NDRG4: variants seen among roughly 807,000 people sequenced by gnomAD.
The protein encoded by NDRG4 is protein NDRG4.
In NDRG4, 38 loss-of-function variants were observed where a neutral mutation model predicts 55.8. The ratio of observed to expected loss-of-function variants is 0.68; its 90% CI spans 0.53 to 0.89. The LOEUF is 0.89. Among genes scored for constraint, NDRG4 ranks in the 40% least tolerant of loss-of-function variants. The probability of loss-of-function intolerance (pLI) is 0.00; values close to 1 mark genes in which losing one functional copy is unlikely to be tolerated. For missense variants in NDRG4, 455 were observed against 468.6 expected (o/e 0.97, Z 0.27); for synonymous variants, 190 against 182.7 (o/e 1.04, Z -0.32).
intron 1 of NDRG4, chr16:58,465,381 C>T: frequency 8.4e-6 from 3 of 355,060 alleles, no homozygotes; most frequent in South Asian, 6.2e-5. Context: ...CGGTGGAATC[C>T]GAGTCGGGGG....
downstream of NDRG4, among the ~76,000 whole-genome samples, chr16:58,515,037 C>T (rs1169544944): frequency 6.6e-6 from 1 of 152,194 alleles, no homozygotes; most frequent in African/African-American, 2.4e-5. Context: ...TATTCTAGAT[C>T]CAGGAGCCCT....
chr16:58,505,753 G>C (rs2037881212), intron 5 of NDRG4, among the ~76,000 whole-genome samples: 1 of 95,698 alleles, frequency 1.0e-5, no homozygotes, highest in Non-Finnish European at 1.8e-5. Flanking sequence ...ATGGAGTCTT[G>C]CTCTGTCGTC....
chr16:58,473,080 G>A (rs971961637), intron 1 of NDRG4, among the ~76,000 whole-genome samples: 1 of 152,134 alleles, frequency 6.6e-6, no homozygotes, highest in Non-Finnish European at 1.5e-5. Flanking sequence ...AGGTTCTGAA[G>A]TACAAATTGT....
chr16:58,500,932 AG>A, intron 1 of NDRG4: 1 of 1,131,638 alleles, frequency 8.8e-7, no homozygotes. Flanking sequence ...CCTTTCAGGC[AG>A]GGGTCCCTGC....
At chr16:58,469,474 G>A (rs976114085) in intron 1 of NDRG4, among the ~76,000 whole-genome samples, 1 of 152,050 alleles carries the variant, frequency 6.6e-6, no homozygotes, top group Non-Finnish European at 1.5e-5. Context: ...AAATATGTGT[G>A]ATCTCTGACT....
chr16:58,464,968 C>T lies in NDRG4; in HGVS notation c.-24+1171C>T. On this transcript the variant is annotated intron_variant, in intron 1 of 15. Transcript: ENST00000258187. The surrounding 1 kb of genome is among the most constrained non-coding windows in gnomAD (Gnocchi z 4.8). Reference sequence around the variant, plus strand: ...GATTGGACCCTACTGACTGGGGACCCTCAGCCTTGGGGCTCCTCTGGAGAA... The same window carrying T: ...GATTGGACCCTACTGACTGGGGACCTTCAGCCTTGGGGCTCCTCTGGAGAA... 1 of 1,196,460 alleles carries T rather than the reference C, an allele frequency of 8.4e-7. No individual in the cohort carries two copies. Among genetic ancestry groups the T allele is most frequent in the Non-Finnish European group, 1.1e-6 (1 of 943,610 alleles). The allele number at this position is 1,196,460 out of a possible 1,614,324, so 74.1% of individuals were successfully genotyped here. A position where few individuals can be genotyped will look rare whatever the true frequency, so the allele number is the denominator to read the frequency against.
At chr16:58,509,431 A>G in intron 13 of NDRG4, 79 bp downstream of exon 13, 2 of 1,487,184 alleles carry the variant, frequency 1.3e-6, no homozygotes, top group Non-Finnish European at 1.8e-6. Flanking sequence ...TCCTGTTTGC[A>G]GGGCTGGCAC....
Position 58,464,954 on chromosome 16 carries a change from A to G in NDRG4, c.-24+1157A>G, listed in dbSNP as rs1448445154. On this transcript the variant is annotated intron_variant, in intron 1 of 15. Coordinates refer to the NDRG4 transcript ENST00000258187. The surrounding 1 kb of genome is among the most constrained non-coding windows in gnomAD (Gnocchi z 4.8). ...GAAGTGGGAAGCCAGATTGGACCCTACTGACTGGGGACCCTCAGCCTTGGG... is the reference window on the plus strand; with the variant it reads ...GAAGTGGGAAGCCAGATTGGACCCTGCTGACTGGGGACCCTCAGCCTTGGG... The G allele has an allele frequency of 1.0e-5, 12 of 1,190,028 alleles. No homozygotes were observed. The highest frequency in any genetic ancestry group is 1.2e-5 in the Non-Finnish European group (11 of 941,520). 73.7% of individuals were successfully genotyped at this position (1,190,028 alleles called of 1,614,324 possible).
rs531926041 is a variant in NDRG4 at position 58,509,502 on chromosome 16, G to A, written c.865+150G>A. Reference sequence around the variant, plus strand: ...AGGAGTTTTGTGTGACCTGGGCCCCGGATGCTGGGCCCCACAGATGCCACC... The same window carrying A: ...AGGAGTTTTGTGTGACCTGGGCCCCAGATGCTGGGCCCCACAGATGCCACC... On this transcript the variant is annotated intron_variant, in intron 13 of 14. Coordinates refer to ENST00000570248, the MANE Select transcript of NDRG4 (RefSeq NM_001242835.2). The A allele has an allele frequency of 4.8e-5, 37 of 775,002 alleles. No individual in the cohort carries two copies. The East Asian group carries it at 8.8e-4, about 18-fold the overall frequency. The allele number at this position is 775,002 out of a possible 1,614,324, so 48.0% of individuals were successfully genotyped here. A position where few individuals can be genotyped will look rare whatever the true frequency, so the allele number is the denominator to read the frequency against.
Position 58,464,589 on chromosome 16 carries a change from T to C in NDRG4, c.-24+792T>C, listed in dbSNP as rs561044652. On this transcript the variant is annotated intron_variant, in intron 1 of 15. Coordinates refer to the NDRG4 transcript ENST00000258187. The surrounding 1 kb of genome is among the most constrained non-coding windows in gnomAD (Gnocchi z 4.8). ...GGAAGGGGTGCGGACCCCAACTAAG[T>C]CCTAGTTTTGTGCTACCTGTTTGTG... The C allele has an allele frequency of 3.3e-4, 334 of 1,016,250 alleles. 1 individual carries two copies. In the African/African-American group the frequency reaches 5.3e-3, roughly 16 times the overall value. The allele number at this position is 1,016,250 out of a possible 1,614,324, so 63.0% of individuals were successfully genotyped here.
chr16:58,498,751 A>C (rs12918925), upstream of NDRG4, among the ~76,000 whole-genome samples: 107,381 of 151,994 alleles, frequency 0.71, 38,213 homozygotes, highest in East Asian at 0.81. Context: ...GAAATGGGGC[A>C]GTCTGTGTGC....
At chr16:58,498,754 CT>C (rs1332404736), upstream of NDRG4, among the ~76,000 whole-genome samples, 15 of 152,292 alleles carry the variant, frequency 9.8e-5, no homozygotes, top group African/African-American at 3.1e-4. Flanking sequence ...ATGGGGCAGT[CT>C]GTGTGCCTCT....
intron 1 of NDRG4, chr16:58,501,383 C>T (rs1276284385): frequency 1.4e-5 from 4 of 285,666 alleles, no homozygotes; most frequent in South Asian, 1.6e-4. Context: ...CGAGAGGAGC[C>T]GCCACAGCCC....
upstream of NDRG4, chr16:58,499,757 G>A (rs2036833215): frequency 4.2e-6 from 1 of 238,326 alleles, no homozygotes; most frequent in Middle Eastern, 1.6e-3. Flanking sequence ...CATGCACCCT[G>A]CCCTGCCCCG....
In NDRG4 at chr16:58,511,535, G is replaced by A. The variant is rs758575730; in HGVS notation, c.1018G>A (p.Gly340Arg). The A allele has an allele frequency of 1.2e-6, 2 of 1,613,056 alleles. No homozygotes were observed. The highest frequency in any genetic ancestry group is 1.7e-6 in the Non-Finnish European group (2 of 1,179,964). The change falls in exon 15 of 15, where the codon GGG becomes AGG. Residue 340 changes from glycine (G) to arginine (R), a missense_variant. By Grantham distance (125) the Gly-to-Arg change is moderately radical. Coordinates refer to ENST00000570248, the MANE Select transcript of NDRG4 (RefSeq NM_001242835.2). ...CTGCACCCACTCAGAGAGCAGCGAG[G>A]GGCTGGGCCAGGTCAACCACACCAT... ...QACTHSESSE[G>R]LGQVNHTMEV...
rs762421753 is a variant in NDRG4 at position 58,507,934 on chromosome 16, C to T, written c.678-14C>T. 25 of 1,612,088 alleles carry T rather than the reference C, an allele frequency of 1.6e-5. No homozygotes were observed. The Admixed American group carries it at 3.5e-4, about 23-fold the overall frequency. On this transcript the variant is annotated splice_polypyrimidine_tract_variant and intron_variant, in intron 9 of 14. Coordinates refer to ENST00000570248, the MANE Select transcript of NDRG4 (RefSeq NM_001242835.2). ...ATGACCCAGCCAGACAGCCCTTTTCCTCTGTATCTGCAGCTGCCCCGTGAT... is the reference window on the plus strand; with the variant it reads ...ATGACCCAGCCAGACAGCCCTTTTCTTCTGTATCTGCAGCTGCCCCGTGAT...
downstream of NDRG4, among the ~76,000 whole-genome samples, chr16:58,513,976 A>G (rs774973680): frequency 7.2e-5 from 11 of 152,162 alleles, no homozygotes; most frequent in Non-Finnish European, 1.5e-4. Flanking sequence ...ACAAAAAAAC[A>G]AAATACAGCT....
chr16:58,477,523 C>T (rs915705852), intron 1 of NDRG4, among the ~76,000 whole-genome samples: 1 of 152,088 alleles, frequency 6.6e-6, no homozygotes, highest in Non-Finnish European at 1.5e-5. Context: ...ATAGCAATGG[C>T]TTTTAACCCA....
chr16:58,499,948 G>T, upstream of NDRG4: 2 of 549,536 alleles, frequency 3.6e-6, no homozygotes, highest in Non-Finnish European at 6.3e-6. Flanking sequence ...TGTGGCTGGG[G>T]TGGGAGGAGC....
Sources: allele counts gnomAD v4.1 joint callset (sites outside exome capture counted in the v4.1 genomes callset), GRCh38; gene constraint gnomAD v4.1.1; non-coding constraint Gnocchi (gnomAD v3.1); transcripts MANE v1.5; gene names NCBI Gene and HGNC (gene_info 2026-07-23, HGNC 2026-07-21).